ELAVL3: variants seen among roughly 807,000 people sequenced by gnomAD.
The protein encoded by ELAVL3 is ELAV-like protein 3.
ELAVL3 carries 8 observed loss-of-function variants against 34.2 expected under a neutral mutation model. The observed-to-expected ratio is 0.23, with a 90% CI of 0.14 to 0.42. ELAVL3 has a LOEUF of 0.42. Ranked by LOEUF, ELAVL3 falls within the 10% of genes least tolerant of loss-of-function variation. ELAVL3 has a pLI of 1.00. For synonymous variants in ELAVL3, 209 were observed against 222.1 expected, an observed-to-expected ratio of 0.94 and a Z score of 0.53; for missense variants, 273 against 518.8, an observed-to-expected ratio of 0.53 and a Z score of 4.60.
intron 1 of ELAVL3, among the ~76,000 whole-genome samples, chr19:11,479,575 C>T (rs940059810): frequency 6.6e-6 from 1 of 151,732 alleles, no homozygotes; most frequent in African/African-American, 2.4e-5. Context: ...AACTGGCCAG[C>T]CCCGCCCCCG....
At chr19:11,464,151 C>CTATATATATA (rs1164328564) in intron 3 of ELAVL3, among the ~76,000 whole-genome samples, 14 of 86,460 alleles carry the variant, frequency 1.6e-4, no homozygotes, top group Admixed American at 4.1e-4. Flanking sequence ...CTCTCTCTCT[C>CTATATATATA]TATATATATA....
intron 1 of ELAVL3, among the ~76,000 whole-genome samples, chr19:11,479,421 T>C (rs1310492686): frequency 6.6e-6 from 1 of 151,664 alleles, no homozygotes; most frequent in East Asian, 1.9e-4. Flanking sequence ...AGAGACACAA[T>C]GCACAGAGAC....
At chr19:11,456,866 T>C (rs1390432189) in intron 6 of ELAVL3, among the ~76,000 whole-genome samples, 5 of 152,108 alleles carry the variant, frequency 3.3e-5, no homozygotes, top group Non-Finnish European at 5.9e-5. Context: ...GATCTCACTA[T>C]GTTGCCCAGG....
At chr19:11,474,542 T>C (rs1196860491) in intron 1 of ELAVL3, among the ~76,000 whole-genome samples, 1 of 151,940 alleles carries the variant, frequency 6.6e-6, no homozygotes, top group African/African-American at 2.4e-5. Context: ...GAGTTGAGAC[T>C]GTGCCATTGC....
chr19:11,464,986 CACACACCACACACCACACACACAT>C, intron 3 of ELAVL3, among the ~76,000 whole-genome samples: 1 of 132,614 alleles, frequency 7.5e-6, no homozygotes, highest in Admixed American at 7.7e-5. Flanking sequence ...ATACACCACA[CACACACCACACACCACACACACAT>C]ACATACACAT....
chr19:11,476,792 G>A (rs951284316), intron 1 of ELAVL3, among the ~76,000 whole-genome samples: 79 of 152,140 alleles, frequency 5.2e-4, no homozygotes, highest in African/African-American at 1.8e-3. Context: ...TCAACTACTC[G>A]AGAGGCTGAG....
In ELAVL3 at chr19:11,458,535, C is replaced by T. The variant is rs745935949; in HGVS notation, c.410G>A (p.Ser137Asn). The change falls in exon 4 of 7, where the codon AGC (serine) becomes AAC (asparagine). Residue 137 changes from serine to asparagine, a missense_variant. Physicochemically the swap from Ser to Asn is conservative, Grantham distance 46 (BLOSUM62 1). Transcript: ENST00000359227. The surrounding 1 kb of genome is among the most constrained non-coding windows in gnomAD (Gnocchi z 7.3). ...LYVSGLPKTM[S>N]QKEMEQLFSQ... Reference sequence around the variant, plus strand: ...GAAGAGCTGCTCCATCTCTTTCTGGCTCATGGTCTTGGGGAGCCCGCTGAC... The same window carrying T: ...GAAGAGCTGCTCCATCTCTTTCTGGTTCATGGTCTTGGGGAGCCCGCTGAC... 6.2e-7 allele frequency: 1 copy of T among 1,614,012 alleles called. No homozygotes were observed. The highest frequency in any genetic ancestry group is 1.3e-5 in the African/African-American group (1 of 74,928).
In ELAVL3 at chr19:11,454,307, A is replaced by C. The variant is rs1970719617; in HGVS notation, c.*219T>G. 14 of 559,778 alleles carry C rather than the reference A, an allele frequency of 2.5e-5. No individual in the cohort carries two copies. In the South Asian group the frequency reaches 3.1e-4, roughly 13 times the overall value. The allele number at this position is 559,778 out of a possible 1,614,324, so 34.7% of individuals were successfully genotyped here. ...CAGCCCAGCCTGGGGTGGGGGCAGG[A>C]GGATGGGGCGGGGGATCCCCGGGCA... On this transcript the variant is annotated 3_prime_UTR_variant, in exon 7 of 7. Coordinates refer to ENST00000359227, the MANE Select transcript of ELAVL3 (RefSeq NM_001420.4). This position sits in a 1 kb window ranked among gnomAD's most constrained non-coding sequence, Gnocchi z 9.2.
intron 3 of ELAVL3, among the ~76,000 whole-genome samples, chr19:11,460,979 C>T (rs943190712): frequency 8.9e-5 from 13 of 146,400 alleles, no homozygotes; most frequent in African/African-American, 3.1e-4. Context: ...CAGCAAGACT[C>T]ACCCCCGTCC....
At chr19:11,456,011 C>T (rs1970761153) in intron 6 of ELAVL3, among the ~76,000 whole-genome samples, 1 of 152,160 alleles carries the variant, frequency 6.6e-6, no homozygotes, top group South Asian at 2.1e-4. Context: ...AGGCTTTTCC[C>T]ACTGCTAGGA....
rs915158241 is a variant in ELAVL3, at chr19:11,480,805, C to T, written c.-197G>A. 7.5e-5 allele frequency: 32 copies of T among 425,794 alleles called. No individual in the cohort carries two copies. The highest frequency in any genetic ancestry group is 1.3e-3 in the Middle Eastern group (2 of 1,584). 26.4% of individuals were successfully genotyped at this position (425,794 alleles called of 1,614,324 possible). ...AACCCGGGGATGCGCGCGCGGATGGCCGGGCCCCGGGGTGGCCTGCGGGCG... is the reference window on the plus strand; with the variant it reads ...AACCCGGGGATGCGCGCGCGGATGGTCGGGCCCCGGGGTGGCCTGCGGGCG... On this transcript the variant is annotated 5_prime_UTR_variant, in exon 1 of 7. Transcript: ENST00000359227. The surrounding 1 kb of genome is among the most constrained non-coding windows in gnomAD (Gnocchi z 6.8).
In ELAVL3 at chr19:11,459,007, G is replaced by T. The variant is rs935876606; in HGVS notation, c.334-396C>A. ...TTTTTACCCAGGCTGGAATGCAATG[G>T]TGTGATCTCAGCTCACTACAGCCTC... is the stretch of plus-strand genomic sequence containing the variant. On this transcript the variant is annotated intron_variant, in intron 3 of 6. Coordinates refer to ENST00000359227, the MANE Select transcript of ELAVL3 (RefSeq NM_001420.4). 7.9e-5 allele frequency among the ~76,000 whole-genome samples: 12 copies of T among 151,746 alleles called. No homozygotes were observed. The South Asian group carries it at 2.3e-3, about 29-fold the overall frequency.
At chr19:11,474,160 G>T (rs537057451) in intron 1 of ELAVL3, among the ~76,000 whole-genome samples, 101 of 152,158 alleles carry the variant, frequency 6.6e-4, no homozygotes, top group Non-Finnish European at 9.4e-4. Flanking sequence ...AGCCTCCTGA[G>T]AAGCTGGGAC....
At chr19:11,479,449 G>C (rs1288832703) in intron 1 of ELAVL3, among the ~76,000 whole-genome samples, 2 of 152,160 alleles carry the variant, frequency 1.3e-5, no homozygotes, top group Non-Finnish European at 2.9e-5. Flanking sequence ...CAGAGACGGA[G>C]AGATAGGAAG....
In ELAVL3 at chr19:11,452,461, T is replaced by G. The variant is rs1970668115; in HGVS notation, c.*2065A>C. ...AAAAAAGTACAAGAAAGTTAACTGG[T>G]GCCAGTTTATGTCTTTTTTTTTTTT... is the stretch of plus-strand genomic sequence containing the variant. On this transcript the variant is annotated 3_prime_UTR_variant, in exon 7 of 7. Transcript: ENST00000359227. 1 of 149,688 alleles carries G rather than the reference T, an allele frequency of 6.7e-6. No individual in the cohort carries two copies. Among genetic ancestry groups the G allele is most frequent in the African/African-American group, 2.5e-5 (1 of 40,720 alleles). 9.3% of individuals were successfully genotyped at this position (149,688 alleles called of 1,614,324 possible).
intron 3 of ELAVL3, among the ~76,000 whole-genome samples, chr19:11,464,167 ATTTT>A (rs1236599277): frequency 0.044 from 4,547 of 103,738 alleles, 137 homozygotes; most frequent in Admixed American, 0.089. Flanking sequence ...ATATATATAT[ATTTT>A]TTTTTTTTTT....
At position 11,480,466 on chromosome 19, in the gene ELAVL3, T is replaced by C. The variant is rs961322538; in HGVS notation, c.9+134A>G. On this transcript the variant is annotated intron_variant, in intron 1 of 6. Transcript: ENST00000359227. The surrounding 1 kb of genome is among the most constrained non-coding windows in gnomAD (Gnocchi z 6.8). ...CCTGCCCACTCTCAGGCCCCGAGGC[T>C]TGGTCCTACCCCCCCAACCCGGGCC... 1 of 1,132,924 alleles carries C rather than the reference T, an allele frequency of 8.8e-7. No homozygotes were observed. The highest frequency in any genetic ancestry group is 1.2e-6 in the Non-Finnish European group (1 of 855,368). The allele number at this position is 1,132,924 out of a possible 1,614,324, so 70.2% of individuals were successfully genotyped here. A position where few individuals can be genotyped will look rare whatever the true frequency, so the allele number is the denominator to read the frequency against.
chr19:11,458,095 C>T lies in ELAVL3; in HGVS notation c.679G>A (p.Ala227Thr), dbSNP rs1188446733. 1.4e-5 allele frequency: 22 copies of T among 1,613,526 alleles called. No individual in the cohort carries two copies. The highest frequency in any genetic ancestry group is 4.5e-5 in the East Asian group (2 of 44,880). The change falls in exon 5 of 7, where the codon GCA becomes ACA. Residue 227 changes from alanine to threonine, a missense_variant. Around this residue, in one of 4 missense-constraint regions of ELAVL3, gnomAD observed 79 missense variants for 108.2 expected, o/e 0.73. Transcript: ENST00000359227. The surrounding 1 kb of genome is among the most constrained non-coding windows in gnomAD (Gnocchi z 7.3). Reference sequence around the variant, plus strand: ...TGGGTCTGATGGTGTAGGGGGCCTGCGTAGCGCCGGGCGGATGACTGGTAG... The same window carrying T: ...TGGGTCTGATGGTGTAGGGGGCCTGTGTAGCGCCGGGCGGATGACTGGTAG... ...HLYQSSARRY[A>T]GPLHHQTQRF...
intron 1 of ELAVL3, among the ~76,000 whole-genome samples, chr19:11,467,567 T>C (rs1262471571): frequency 6.7e-6 from 1 of 149,842 alleles, no homozygotes; most frequent in Admixed American, 6.7e-5. Context: ...TGCTGCAACC[T>C]CCGCCTCTTG....
Sources: allele counts gnomAD v4.1 joint callset (sites outside exome capture counted in the v4.1 genomes callset), GRCh38; gene constraint gnomAD v4.1.1; regional missense constraint gnomAD v4.1.1; non-coding constraint Gnocchi (gnomAD v3.1); transcripts MANE v1.5; gene names NCBI Gene and HGNC (gene_info 2026-07-23, HGNC 2026-07-21).